MUCL1: variants seen among roughly 807,000 people sequenced by gnomAD.
The protein encoded by MUCL1 is mucin like 1.
In MUCL1, 11 loss-of-function variants were observed where a neutral mutation model predicts 9.2. The observed-to-expected ratio is 1.19, with a 90% CI of 0.75 to 1.97. The LOEUF (loss-of-function observed/expected upper bound fraction) is 1.97. Ranked by LOEUF, MUCL1 falls within the 30% of genes most tolerant of loss-of-function variation. MUCL1 has a pLI of 0.00. For missense variants in MUCL1, 144 were observed against 110.9 expected (o/e 1.30, Z -1.34); for synonymous variants, 48 against 40.5 (o/e 1.19, Z -0.71).
upstream of MUCL1, among the ~76,000 whole-genome samples, chr12:54,853,265 T>A (rs1189979016): frequency 1.3e-5 from 2 of 152,206 alleles, no homozygotes; most frequent in Non-Finnish European, 2.9e-5. Context: ...ATTCTGGGTA[T>A]TCCAAATGTT....
chr12:54,839,468 A>G (rs1959200322), intron 1 of MUCL1: 2 of 701,702 alleles, frequency 2.9e-6, no homozygotes, highest in East Asian at 2.7e-5. Flanking sequence ...GCGACATCCA[A>G]TTGTGGACAG....
chr12:54,839,724 C>G (rs1444922014), intron 1 of MUCL1, among the ~76,000 whole-genome samples: 1 of 152,144 alleles, frequency 6.6e-6, no homozygotes, highest in African/African-American at 2.4e-5. Flanking sequence ...AAGCCTGAAC[C>G]TGGAGGGCAC....
chr12:54,845,421 G>A (rs569853725), intron 1 of MUCL1, among the ~76,000 whole-genome samples: 2 of 152,242 alleles, frequency 1.3e-5, no homozygotes, highest in South Asian at 4.1e-4. Flanking sequence ...AGAGAGATAG[G>A]AAAATGCAAC....
intron 1 of MUCL1, among the ~76,000 whole-genome samples, chr12:54,844,101 A>C (rs1479549727): frequency 6.6e-6 from 1 of 152,154 alleles, no homozygotes; most frequent in African/African-American, 2.4e-5. Flanking sequence ...AGGCTTTGGC[A>C]TCAAGGATAT....
chr12:54,840,998 C>T (rs78192294), intron 1 of MUCL1, among the ~76,000 whole-genome samples: 4,974 of 152,302 alleles, frequency 0.033, 264 homozygotes, highest in African/African-American at 0.11. Context: ...TCTCTCACTC[C>T]TGTGTCCCTG....
At chr12:54,834,997 G>T (rs528160495), upstream of MUCL1, among the ~76,000 whole-genome samples, 45 of 152,140 alleles carry the variant, frequency 3.0e-4, no homozygotes, top group South Asian at 9.1e-3. Context: ...AGAACATACG[G>T]TATTTTGTTT....
At chr12:54,831,831 T>A (rs4635172) in intron 1 of MUCL1, among the ~76,000 whole-genome samples, 72,929 of 151,860 alleles carry the variant, frequency 0.48, 17,904 homozygotes, top group East Asian at 0.83. Flanking sequence ...TATTCATCAC[T>A]TTTGCAAGCT....
chr12:54,850,472 C>T (rs547802888), upstream of MUCL1, among the ~76,000 whole-genome samples: 9 of 152,144 alleles, frequency 5.9e-5, no homozygotes, highest in Middle Eastern at 0.014. Context: ...ATCCATGTCC[C>T]TACAAAGGAC....
intron 2 of MUCL1, among the ~76,000 whole-genome samples, chr12:54,856,318 T>G (rs564218898): frequency 1.3e-5 from 2 of 152,332 alleles, no homozygotes; most frequent in South Asian, 4.1e-4. Context: ...CTTCTTAGTC[T>G]GCCTCCTCCT....
chr12:54,834,995 C>T (rs999094740), upstream of MUCL1, among the ~76,000 whole-genome samples: 38 of 151,976 alleles, frequency 2.5e-4, no homozygotes, highest in Non-Finnish European at 4.6e-4. Context: ...TGAGAACATA[C>T]GGTATTTTGT....
intron 1 of MUCL1, among the ~76,000 whole-genome samples, chr12:54,831,224 A>C (rs539813771): frequency 1.6e-4 from 24 of 152,184 alleles, no homozygotes; most frequent in Non-Finnish European, 3.1e-4. Context: ...TGGTATTATC[A>C]AATTAATTTA....
At chr12:54,849,101 G>C (rs1466962969) in intron 1 of MUCL1, among the ~76,000 whole-genome samples, 1 of 152,112 alleles carries the variant, frequency 6.6e-6, no homozygotes, top group African/African-American at 2.4e-5. Context: ...GTTCTAAGAA[G>C]TAGTGTTGAG....
At position 54,855,131 on chromosome 12, in the gene MUCL1, C is replaced by T; in HGVS notation, c.74C>T (p.Ala25Val). 1 of 1,613,356 alleles carries T rather than the reference C, an allele frequency of 6.2e-7. No homozygotes were observed. Among genetic ancestry groups the T allele is most frequent in the Non-Finnish European group, 8.5e-7 (1 of 1,179,620 alleles). Residue 25 changes from alanine to valine, a missense_variant, in exon 2 of 4, where the codon GCT becomes GTT. Ala to Val is a moderately conservative substitution (Grantham distance 64). Transcript: ENST00000308796. Reference protein sequence around the residue: ...FLVSAQNPTTAAPADTYPATG... With the variant: ...FLVSAQNPTTVAPADTYPATG... ...TCTCTTTCAGAGAATCCGACAACAG[C>T]TGCTCCAGCTGACACGTATCCAGCT...
intron 1 of MUCL1, among the ~76,000 whole-genome samples, chr12:54,847,093 T>A (rs1032239079): frequency 6.6e-6 from 1 of 152,174 alleles, no homozygotes; most frequent in African/African-American, 2.4e-5. Context: ...TGAAAAGCCA[T>A]CCATTTTCAT....
At chr12:54,845,738 T>C (rs1033882792) in intron 1 of MUCL1, among the ~76,000 whole-genome samples, 22 of 152,172 alleles carry the variant, frequency 1.4e-4, no homozygotes, top group African/African-American at 5.1e-4. Context: ...CTGGACTGGT[T>C]CTGCTGTTAT....
upstream of MUCL1, among the ~76,000 whole-genome samples, chr12:54,838,547 T>G (rs1959197219): frequency 6.6e-6 from 1 of 152,182 alleles, no homozygotes; most frequent in Non-Finnish European, 1.5e-5. Flanking sequence ...CTTTTTCTTC[T>G]CCCTCAGGAG....
At chr12:54,850,509 A>G (rs1959322364), upstream of MUCL1, among the ~76,000 whole-genome samples, 1 of 152,058 alleles carries the variant, frequency 6.6e-6, no homozygotes, top group African/African-American at 2.4e-5. Flanking sequence ...TTATGGCTAC[A>G]TAGTATTCCA....
At chr12:54,840,488 G>T (rs1185177708) in intron 1 of MUCL1, among the ~76,000 whole-genome samples, 1 of 152,210 alleles carries the variant, frequency 6.6e-6, no homozygotes, top group African/African-American at 2.4e-5. Context: ...AAAGAGCTCA[G>T]CTGTGGTGGT....
chr12:54,851,459 C>T (rs1959338726), upstream of MUCL1, among the ~76,000 whole-genome samples: 1 of 152,134 alleles, frequency 6.6e-6, no homozygotes, highest in Admixed American at 6.5e-5. Context: ...AATTCAACAA[C>T]CCTTCGTGCT....
Sources: gnomAD v4.1 joint callset for allele counts (sites outside exome capture counted in the v4.1 genomes callset) on GRCh38, gnomAD v4.1.1 for gene constraint, MANE v1.5 for transcripts, NCBI Gene and HGNC (gene_info 2026-07-23, HGNC 2026-07-21) for gene names.